GSPT1: variants seen among roughly 807,000 people sequenced by gnomAD.
GSPT1 encodes eukaryotic peptide chain release factor GTP-binding subunit ERF3A.
GSPT1 carries 20 observed loss-of-function variants against 72.5 expected under a neutral mutation model. The observed-to-expected ratio is 0.28, with a 90% CI of 0.19 to 0.40. GSPT1 has a LOEUF of 0.40. GSPT1 is among the 10% of genes least tolerant of loss of function. The probability of loss-of-function intolerance (pLI) is 1.00; values close to 1 mark genes in which losing one functional copy is unlikely to be tolerated. For synonymous variants in GSPT1, 334 were observed against 293.5 expected (o/e 1.14, Z -1.41); for missense variants, 580 against 811.9 (o/e 0.71, Z 3.47).
intron 1 of GSPT1, among the ~76,000 whole-genome samples, chr16:11,900,144 G>A (rs1448770462): frequency 6.6e-6 from 1 of 151,874 alleles, no homozygotes; most frequent in East Asian, 1.9e-4. Flanking sequence ...GACCAACCCG[G>A]CCAACATGGC....
intron 7 of GSPT1, 72 bp from the exon 8 acceptor site, chr16:11,887,003 C>T: frequency 2.9e-6 from 3 of 1,033,758 alleles, no homozygotes; most frequent in African/African-American, 1.7e-5. Flanking sequence ...AACATCTTTC[C>T]TTTCAGTTAT....
chr16:11,887,151 T>C (rs1160451655), intron 7 of GSPT1, among the ~76,000 whole-genome samples: 1 of 151,890 alleles, frequency 6.6e-6, no homozygotes, highest in African/African-American at 2.4e-5. Flanking sequence ...TATACCTGCA[T>C]ATTTTAAAAT....
chr16:11,901,927 C>T (rs1027680713), intron 1 of GSPT1, among the ~76,000 whole-genome samples: 5 of 151,772 alleles, frequency 3.3e-5, no homozygotes, highest in Admixed American at 1.3e-4. Context: ...GAAACCCCAA[C>T]TCTACTAAAA....
chr16:11,875,710 A>T, intron 14 of GSPT1, 51 bp downstream of exon 14: 3 of 1,376,146 alleles, frequency 2.2e-6, no homozygotes, highest in Non-Finnish European at 3.0e-6. Flanking sequence ...GAAGATGACC[A>T]AAGCTAGGTA....
intron 1 of GSPT1, among the ~76,000 whole-genome samples, chr16:11,900,956 C>A (rs1467719280): frequency 2.0e-5 from 3 of 152,020 alleles, no homozygotes; most frequent in Non-Finnish European, 4.4e-5. Context: ...GAGTTTGAGA[C>A]CAGCCTGGGC....
chr16:11,895,215 C>A (rs937487581), intron 4 of GSPT1: 5 of 378,786 alleles, frequency 1.3e-5, no homozygotes, highest in Middle Eastern at 8.0e-4. Context: ...CGGATGACCT[C>A]AGGTCAGGAG....
In GSPT1 at chr16:11,915,649, GCTGCTGCTGCTGCCGCTGCTGCTC is replaced by G. The variant is rs2054624673; in HGVS notation, c.48_71del (p.Ser17_Ser24del). The G allele has an allele frequency of 1.4e-6, 2 of 1,475,496 alleles. No homozygotes were observed. Among genetic ancestry groups the G allele is most frequent in the Middle Eastern group, 3.9e-4 (2 of 5,130 alleles). 91.4% of individuals were successfully genotyped at this position (1,475,496 alleles called of 1,614,324 possible). A position where few individuals can be genotyped will look rare whatever the true frequency, so the allele number is the denominator to read the frequency against. ...GGTCCCAGCAGTCAGGCGCCGAGTC[GCTGCTGCTGCTGCCGCTGCTGCTC>G]CCGCCGCCGCCGCCGCCGCCGCCGC... On this transcript the variant is annotated inframe_deletion, in exon 1 of 15. Coordinates refer to ENST00000434724, the MANE Select transcript of GSPT1 (RefSeq NM_002094.4).
chr16:11,897,133 A>T (rs2054350412), intron 3 of GSPT1, among the ~76,000 whole-genome samples: 1 of 152,244 alleles, frequency 6.6e-6, no homozygotes, highest in South Asian at 2.1e-4. Context: ...AAAAAAAGGA[A>T]AGTTTAAAAT....
intron 1 of GSPT1, among the ~76,000 whole-genome samples, chr16:11,904,339 A>ATT (rs2054458190): frequency 6.6e-6 from 1 of 152,038 alleles, no homozygotes. Flanking sequence ...AGTAGCTGGG[A>ATT]CTACAGGCGC....
At position 11,896,672 on chromosome 16, in the gene GSPT1, T is replaced by C. The variant is rs1486556702; in HGVS notation, c.550A>G (p.Ser184Gly). The change falls in exon 4 of 15, where the codon AGT becomes GGT. Residue 184 changes from serine (S) to glycine (G), a missense_variant. By Grantham distance (56) the Ser-to-Gly change is moderately conservative (BLOSUM62 0). Transcript: ENST00000434724. ...SLGDGRPPEESAHEMMEEEEE... is the reference protein window; with the variant it reads ...SLGDGRPPEEGAHEMMEEEEE... ...TCCTCCTCCATCATTTCATGGGCAC[T>C]TTCCTCTGGCGGCCTTCCATCTCCC... 1 of 1,608,944 alleles carries C rather than the reference T, an allele frequency of 6.2e-7. No homozygotes were observed. Among genetic ancestry groups the C allele is most frequent in the Non-Finnish European group, 8.5e-7 (1 of 1,177,512 alleles).
chr16:11,902,149 G>A (rs33630), intron 1 of GSPT1, among the ~76,000 whole-genome samples: 41,746 of 150,210 alleles, frequency 0.28, 6,824 homozygotes, highest in East Asian at 0.59. Flanking sequence ...TTGGGAGGCC[G>A]AGGCGGGTGG....
Position 11,868,547 on chromosome 16 carries a change from C to A in GSPT1, c.*4572G>T, listed in dbSNP as rs997064775. On this transcript the variant is annotated 3_prime_UTR_variant, in exon 15 of 15. Coordinates refer to ENST00000434724, the MANE Select transcript of GSPT1 (RefSeq NM_002094.4). ...TAGACCTTGCAGGAGGCTTAGACCT[C>A]AGTTTCACCTAATGCATGTGGAGGA... 4 of 152,120 alleles carry A rather than the reference C, an allele frequency of 2.6e-5. No individual in the cohort carries two copies. Among genetic ancestry groups the A allele is most frequent in the African/African-American group, 9.7e-5 (4 of 41,392 alleles). 9.4% of individuals were successfully genotyped at this position (152,120 alleles called of 1,614,324 possible).
intron 1 of GSPT1, among the ~76,000 whole-genome samples, chr16:11,906,346 T>C (rs571258010): frequency 2.2e-4 from 33 of 152,306 alleles, no homozygotes; most frequent in Middle Eastern, 6.8e-3. Flanking sequence ...TCAGGAGATG[T>C]TGGGCCAGCT....
chr16:11,901,227 A>T (rs2054402261), intron 1 of GSPT1, among the ~76,000 whole-genome samples: 1 of 152,098 alleles, frequency 6.6e-6, no homozygotes, highest in Non-Finnish European at 1.5e-5. Context: ...TTACTTGTTC[A>T]TTCTACTCTG....
intron 1 of GSPT1, among the ~76,000 whole-genome samples, chr16:11,909,696 G>A (rs1596476761): frequency 6.6e-6 from 1 of 152,142 alleles, no homozygotes; most frequent in African/African-American, 2.4e-5. Context: ...AGGCCGAGAC[G>A]GGTGGATCAC....
chr16:11,898,105 C>G, intron 1 of GSPT1, 70 bp from the exon 2 acceptor site: 1 of 955,336 alleles, frequency 1.0e-6, no homozygotes, highest in African/African-American at 1.6e-5. Flanking sequence ...TTTTAATATG[C>G]AGTAAAAACA....
chr16:11,893,973 G>A (rs1452750363), intron 5 of GSPT1, among the ~76,000 whole-genome samples: 1 of 151,726 alleles, frequency 6.6e-6, no homozygotes, highest in South Asian at 2.1e-4. Context: ...TGGGCAATAT[G>A]ATGAAACACC....
rs1382451456 is a variant in GSPT1, at chr16:11,876,184, C to A, written c.1603-9G>T. ...TGCTCTATAATCACTATCTGTCAAA[C>A]AAACACACACATTCTTATCTTTAGC... is the stretch of plus-strand genomic sequence containing the variant. On this transcript the variant is annotated splice_polypyrimidine_tract_variant and intron_variant, in intron 12 of 14. Transcript: ENST00000434724. 1 of 1,501,682 alleles carries A rather than the reference C, an allele frequency of 6.7e-7. No homozygotes were observed. The highest frequency in any genetic ancestry group is 1.1e-5 in the South Asian group (1 of 88,678). The allele number at this position is 1,501,682 out of a possible 1,614,324, so 93.0% of individuals were successfully genotyped here.
intron 12 of GSPT1, 89 bp from the exon 13 acceptor site, chr16:11,876,264 A>G: frequency 2.4e-6 from 2 of 826,306 alleles, no homozygotes; most frequent in Non-Finnish European, 4.2e-6. Flanking sequence ...CCCAAGAATT[A>G]GTGTTACCAT....
Sources: allele counts gnomAD v4.1 joint callset (sites outside exome capture counted in the v4.1 genomes callset), GRCh38; gene constraint gnomAD v4.1.1; transcripts MANE v1.5; gene names NCBI Gene and HGNC (gene_info 2026-07-23, HGNC 2026-07-21).